Variants in UGT2A1 observed in about 807,000 individuals in gnomAD.
UGT2A1 encodes UDP-glucuronosyltransferase 2A1.
UGT2A1 carries 61 observed loss-of-function variants against 45.4 expected under a neutral mutation model. The ratio of observed to expected loss-of-function variants is 1.34; its 90% CI spans 1.09 to 1.66. The LOEUF is 1.66. Ranked by LOEUF, UGT2A1 falls within the 40% of genes most tolerant of loss-of-function variation. The pLI, the probability that UGT2A1 is intolerant of heterozygous loss-of-function variation, is 0.00. For missense variants in UGT2A1, 649 were observed against 574.3 expected, an observed-to-expected ratio of 1.13 and a Z score of -1.33; for synonymous variants, 229 against 196.2, an observed-to-expected ratio of 1.17 and a Z score of -1.40.
At position 69,623,288 on chromosome 4, in the gene UGT2A1, C is replaced by G. The variant is rs149714561; in HGVS notation, c.847+12403G>C. ...TAATGTAGTCTCTACAGCTATCTAG[C>G]CTAGGATTACTACAATGTAACACTC... On this transcript the variant is annotated intron_variant, in intron 3 of 6. Transcript: ENST00000286604. Among the ~76,000 whole-genome samples, 1,066 of 151,776 alleles carry G rather than the reference C, an allele frequency of 7.0e-3. 4 individuals are homozygous for G. Among genetic ancestry groups the G allele is most frequent in the Middle Eastern group, 0.038 (11 of 292 alleles).
At chr4:69,622,921 G>C (rs1040740315) in intron 3 of UGT2A1, among the ~76,000 whole-genome samples, 16 of 151,784 alleles carry the variant, frequency 1.1e-4, no homozygotes, top group African/African-American at 3.9e-4. Flanking sequence ...CCAACAATTA[G>C]GTCTTGGCTA....
At chr4:69,648,313 A>G (rs547576290) in intron 1 of UGT2A1, among the ~76,000 whole-genome samples, 15 of 151,192 alleles carry the variant, frequency 9.9e-5, no homozygotes, top group Admixed American at 7.3e-4. Context: ...AATCCTCAAG[A>G]AAATATTATA....
chr4:69,647,707 G>GA lies in UGT2A1; in HGVS notation c.-54-10dup. 2 of 1,163,314 alleles carry GA rather than the reference G, an allele frequency of 1.7e-6. No individual in the cohort carries two copies. The highest frequency in any genetic ancestry group is 3.6e-5 in the South Asian group (2 of 55,496). The allele number at this position is 1,163,314 out of a possible 1,614,324, so 72.1% of individuals were successfully genotyped here. A position where few individuals can be genotyped will look rare whatever the true frequency, so the allele number is the denominator to read the frequency against. On this transcript the variant is annotated splice_polypyrimidine_tract_variant and intron_variant, in intron 1 of 6. Transcript: ENST00000286604. ...GCAAATGTTTTTCTCTGCTTTTAAA[G>GA]AAAAAAAGGAAAGACAAAATTATTT...
chr4:69,619,126 T>C (rs1378312687), intron 3 of UGT2A1, among the ~76,000 whole-genome samples: 1 of 151,940 alleles, frequency 6.6e-6, no homozygotes, highest in Admixed American at 6.6e-5. Context: ...GGCCACCTGA[T>C]GTGCTTCATG....
intron 2 of UGT2A1, chr4:69,638,828 T>C (rs1054943077): frequency 1.4e-6 from 2 of 1,449,304 alleles, no homozygotes; most frequent in Non-Finnish European, 1.8e-6. Flanking sequence ...GGAATGGAAA[T>C]CGTTTGCCAT....
intron 3 of UGT2A1, among the ~76,000 whole-genome samples, chr4:69,623,183 G>C (rs1720849324): frequency 6.6e-6 from 1 of 151,712 alleles, no homozygotes; most frequent in African/African-American, 2.4e-5. Flanking sequence ...TGTTCCTCAT[G>C]ACAATTCATC....
intron 3 of UGT2A1, among the ~76,000 whole-genome samples, chr4:69,629,555 A>G (rs1298859060): frequency 1.3e-5 from 2 of 152,096 alleles, no homozygotes; most frequent in Non-Finnish European, 2.9e-5. Context: ...AGGTTAGTCA[A>G]ACAGGCTCTA....
chr4:69,590,442 G>A (rs553178834), intron 6 of UGT2A1, among the ~76,000 whole-genome samples: 1 of 152,256 alleles, frequency 6.6e-6, no homozygotes, highest in South Asian at 2.1e-4. Flanking sequence ...AAAATTAGTA[G>A]GTTTCATTTT....
At chr4:69,626,499 A>C (rs1465718586) in intron 3 of UGT2A1, among the ~76,000 whole-genome samples, 1 of 151,690 alleles carries the variant, frequency 6.6e-6, no homozygotes, top group Non-Finnish European at 1.5e-5. Flanking sequence ...TATTCCAAAA[A>C]ACAAAACAGA....
intron 3 of UGT2A1, among the ~76,000 whole-genome samples, chr4:69,601,510 T>C (rs1322997413): frequency 1.3e-5 from 2 of 152,180 alleles, no homozygotes; most frequent in African/African-American, 2.4e-5. Context: ...CATTACAGCA[T>C]CTGCAGGCAT....
At chr4:69,595,286 C>T in intron 4 of UGT2A1, 37 bp from the exon 5 acceptor site, 2 of 1,606,286 alleles carry the variant, frequency 1.2e-6, no homozygotes, top group South Asian at 1.1e-5. Flanking sequence ...CAAGGAAAAA[C>T]ACAATGAGGA....
chr4:69,599,148 T>A, intron 4 of UGT2A1, 98 bp downstream of exon 4: 2 of 1,441,778 alleles, frequency 1.4e-6, no homozygotes, highest in Non-Finnish European at 1.8e-6. Flanking sequence ...AACTGAAATG[T>A]CCAGCAGCAT....
intron 3 of UGT2A1, among the ~76,000 whole-genome samples, chr4:69,600,117 G>A (rs1250893983): frequency 2.6e-5 from 4 of 152,182 alleles, no homozygotes; most frequent in Non-Finnish European, 5.9e-5. Flanking sequence ...TGAGCCAGGT[G>A]AAAAACCATG....
In UGT2A1 at chr4:69,599,695, A is replaced by AAAAG. The variant is rs1553903630; in HGVS notation, c.848-302_848-301insCTTT. 1.8e-3 allele frequency: 370 copies of AAAAG among 200,544 alleles called. 7 individuals are homozygous for AAAAG. The South Asian group carries it at 0.023, about 13-fold the overall frequency. The allele number at this position is 200,544 out of a possible 1,614,324, so 12.4% of individuals were successfully genotyped here. A position where few individuals can be genotyped will look rare whatever the true frequency, so the allele number is the denominator to read the frequency against. ...GGGAAGAAAGAGGTAGAAATAAAGA[A>AAAAG]AGAGAGAGAGAGAGGAAGAGAGAGA... On this transcript the variant is annotated intron_variant, in intron 3 of 6. Transcript: ENST00000286604.
intron 3 of UGT2A1, among the ~76,000 whole-genome samples, chr4:69,625,718 T>C (rs1721017854): frequency 6.6e-6 from 1 of 151,540 alleles, no homozygotes; most frequent in African/African-American, 2.4e-5. Context: ...ATTTAAAATT[T>C]ACATACAGAA....
At chr4:69,652,156 C>T (rs1321108036) in intron 1 of UGT2A1, among the ~76,000 whole-genome samples, 1 of 147,192 alleles carries the variant, frequency 6.8e-6, no homozygotes, top group Admixed American at 7.0e-5. Context: ...TAAGGATTCG[C>T]CACTGATAAC....
intron 3 of UGT2A1, among the ~76,000 whole-genome samples, chr4:69,623,345 GAA>G (rs1048882618): frequency 1.3e-5 from 2 of 151,696 alleles, no homozygotes; most frequent in African/African-American, 2.4e-5. Flanking sequence ...CAGACGCTGA[GAA>G]AAGAATTTGA....
intron 3 of UGT2A1, among the ~76,000 whole-genome samples, chr4:69,601,016 A>T (rs1418556394): frequency 6.6e-6 from 1 of 152,094 alleles, no homozygotes; most frequent in East Asian, 1.9e-4. Context: ...AAGGCTTATG[A>T]CCTGGGGCAT....
At chr4:69,652,762 T>C (rs192935221) in intron 1 of UGT2A1, among the ~76,000 whole-genome samples, 1 of 152,308 alleles carries the variant, frequency 6.6e-6, no homozygotes, top group East Asian at 1.9e-4. Flanking sequence ...TGTGTTGTCT[T>C]AAGGACCACA....
Sources: gnomAD v4.1 joint callset for allele counts (sites outside exome capture counted in the v4.1 genomes callset) on GRCh38, gnomAD v4.1.1 for gene constraint, MANE v1.5 for transcripts, NCBI Gene and HGNC (gene_info 2026-07-23, HGNC 2026-07-21) for gene names.